The following GPHN variants were observed in gnomAD, a reference collection of about 807,000 sequenced individuals.
GPHN encodes gephyrin.
Under a neutral mutation model 95.5 loss-of-function variants are expected in GPHN, and 17 were observed. That is an observed-to-expected ratio of 0.18 (90% CI 0.12 to 0.27). The LOEUF is 0.27. GPHN is among the 10% of genes least tolerant of loss of function. GPHN has a pLI of 1.00. For missense variants in GPHN, 660 were observed against 978.1 expected, an observed-to-expected ratio of 0.67 and a Z score of 4.34; for synonymous variants, 320 against 322.5, an observed-to-expected ratio of 0.99 and a Z score of 0.08.
At chr14:67,086,608 C>T (rs1202936305) in intron 11 of GPHN, among the ~76,000 whole-genome samples, 1 of 146,894 alleles carries the variant, frequency 6.8e-6, no homozygotes, top group Non-Finnish European at 1.5e-5. Context: ...GCCGAGATTG[C>T]GCCACTGCAC....
At chr14:66,831,529 A>C (rs747456452) in intron 4 of GPHN, among the ~76,000 whole-genome samples, 1 of 152,148 alleles carries the variant, frequency 6.6e-6, no homozygotes, top group Non-Finnish European at 1.5e-5. Context: ...TTCCCATGTC[A>C]TATCTTTGTC....
chr14:66,657,386 T>A lies in GPHN; in HGVS notation c.65-23721T>A, dbSNP rs1459344955. Among the ~76,000 whole-genome samples, 3 of 152,226 alleles carry A rather than the reference T, an allele frequency of 2.0e-5. No individual in the cohort carries two copies. The East Asian group carries it at 5.8e-4, about 29-fold the overall frequency. ...TTTAAAAGTTGCAGCAAGTCATCCA[T>A]AATCTAGCTAAAATCATTGATGAAT... On this transcript the variant is annotated intron_variant, in intron 1 of 22. Coordinates refer to ENST00000478722, the MANE Select transcript of GPHN (RefSeq NM_020806.5).
At chr14:67,257,712 T>TA in the GPHN span, among the ~76,000 whole-genome samples, 2 of 152,054 alleles carry the variant, frequency 1.3e-5, no homozygotes, top group African/African-American at 4.8e-5. Context: ...TCACTAGAAA[T>TA]ATGAAGGTAA....
intron 9 of GPHN, among the ~76,000 whole-genome samples, chr14:66,982,707 C>A (rs1402350519): frequency 6.6e-6 from 1 of 152,080 alleles, no homozygotes; most frequent in Non-Finnish European, 1.5e-5. Flanking sequence ...CTAGTAATCT[C>A]AATTTACTCC....
chr14:67,629,245 A>G, the GPHN span, among the ~76,000 whole-genome samples: 1 of 152,184 alleles, frequency 6.6e-6, no homozygotes, highest in East Asian at 1.9e-4. Context: ...CTGAGGCAGG[A>G]GTATTGCTTG....
At chr14:66,573,261 A>T (rs1339085052) in intron 1 of GPHN, among the ~76,000 whole-genome samples, 1 of 151,958 alleles carries the variant, frequency 6.6e-6, no homozygotes, top group East Asian at 1.9e-4. Flanking sequence ...TGATTTTCTC[A>T]CTGGATGTTC....
intron 3 of GPHN, among the ~76,000 whole-genome samples, chr14:66,789,618 G>A (rs1380103394): frequency 2.6e-5 from 4 of 152,090 alleles, no homozygotes; most frequent in African/African-American, 9.7e-5. Context: ...CAGAATTAAG[G>A]GTCTCATTTT....
chr14:66,969,423 A>C (rs1395359041), intron 9 of GPHN: 1 of 152,208 alleles, frequency 6.6e-6, no homozygotes, highest in East Asian at 1.9e-4. Flanking sequence ...GTAATTGATA[A>C]ATTCTCTTTT....
At chr14:66,935,235 T>A (rs1262946724) in intron 8 of GPHN, among the ~76,000 whole-genome samples, 2 of 152,156 alleles carry the variant, frequency 1.3e-5, no homozygotes, top group Admixed American at 6.5e-5. Flanking sequence ...AAGCTATCCT[T>A]GGAGATTTGT....
the GPHN span, chr14:67,613,137 T>A: frequency 6.6e-6 from 1 of 152,140 alleles, no homozygotes; most frequent in Admixed American, 6.6e-5. Flanking sequence ...TTTTTTGTTT[T>A]TTTTTTTCAC....
At chr14:66,965,536 A>G (rs1272363991) in intron 9 of GPHN, among the ~76,000 whole-genome samples, 1 of 151,890 alleles carries the variant, frequency 6.6e-6, no homozygotes, top group Non-Finnish European at 1.5e-5. Context: ...AAAATGTCTT[A>G]CTCCTACATC....
chr14:67,390,250 A>C, the GPHN span, among the ~76,000 whole-genome samples: 1 of 152,242 alleles, frequency 6.6e-6, no homozygotes, highest in Non-Finnish European at 1.5e-5. Flanking sequence ...GAAACTTTTC[A>C]AAACATAGGT....
At chr14:67,690,500 T>G in the GPHN span, 2 of 1,135,092 alleles carry the variant, frequency 1.8e-6, no homozygotes, top group Non-Finnish European at 2.6e-6. Flanking sequence ...GCCTCACCTA[T>G]GGGAGGCAGA....
the GPHN span, chr14:67,573,387 G>A: frequency 6.4e-7 from 1 of 1,562,620 alleles, no homozygotes; most frequent in Non-Finnish European, 8.8e-7. The surrounding 1 kb of genome is among the most constrained non-coding windows in gnomAD (Gnocchi z 4.8). Context: ...CAAGTCCCCG[G>A]TGAGAGTCTC....
At chr14:67,242,474 G>T in the GPHN span, among the ~76,000 whole-genome samples, 1 of 152,190 alleles carries the variant, frequency 6.6e-6, no homozygotes, top group African/African-American at 2.4e-5. Flanking sequence ...ATGTTTTAAT[G>T]ATAGTTTACT....
chr14:67,301,954 T>C, the GPHN span: 3 of 1,583,312 alleles, frequency 1.9e-6, no homozygotes, highest in South Asian at 1.2e-5. Context: ...TAAAATGCCA[T>C]GGATTTCTTT....
chr14:66,594,057 A>C (rs373767711), intron 1 of GPHN, among the ~76,000 whole-genome samples: 35 of 152,334 alleles, frequency 2.3e-4, no homozygotes, highest in African/African-American at 7.0e-4. Flanking sequence ...AATTGAGAAC[A>C]CAATCCTATT....
At chr14:67,707,483 C>T in the GPHN span, among the ~76,000 whole-genome samples, 1 of 152,092 alleles carries the variant, frequency 6.6e-6, no homozygotes, top group African/African-American at 2.4e-5. Context: ...GGCTGGAGTG[C>T]AGTGGCGTGA....
chr14:67,574,400 C>G, the GPHN span: 8 of 1,562,332 alleles, frequency 5.1e-6, no homozygotes, highest in South Asian at 3.6e-5. This position sits in a 1 kb window ranked among gnomAD's most constrained non-coding sequence, Gnocchi z 4.2. Context: ...GCTGGCTGAC[C>G]AAGGTAGAGG....
Sources: allele counts gnomAD v4.1 joint callset (sites outside exome capture counted in the v4.1 genomes callset), GRCh38; gene constraint gnomAD v4.1.1; non-coding constraint Gnocchi (gnomAD v3.1); transcripts MANE v1.5; gene names NCBI Gene and HGNC (gene_info 2026-07-23, HGNC 2026-07-21).